The following GSK3A variants were observed in gnomAD, a reference collection of about 807,000 sequenced individuals.
GSK3A encodes the protein glycogen synthase kinase 3 alpha.
In GSK3A, 14 loss-of-function variants were observed where a neutral mutation model predicts 56.6. The ratio of observed to expected loss-of-function variants is 0.25; its 90% CI spans 0.16 to 0.39. GSK3A has a LOEUF of 0.39. Among genes scored for constraint, GSK3A ranks in the 10% least tolerant of loss-of-function variants. GSK3A has a pLI of 1.00. For synonymous variants in GSK3A, 301 were observed against 285.0 expected, an observed-to-expected ratio of 1.06 and a Z score of -0.56; for missense variants, 450 against 656.0, an observed-to-expected ratio of 0.69 and a Z score of 3.43.
chr19:42,242,120 TG>T, intron 1 of GSK3A, 62 bp downstream of exon 1: 3 of 1,258,352 alleles, frequency 2.4e-6, no homozygotes, highest in Non-Finnish European at 3.0e-6. Context: ...AAGAATCTGA[TG>T]GATGTCTGAG....
At chr19:42,242,098 C>G in intron 1 of GSK3A, 85 bp downstream of exon 1, 3 of 1,194,970 alleles carry the variant, frequency 2.5e-6, no homozygotes, top group Non-Finnish European at 3.2e-6. Context: ...GAGCTCCTAT[C>G]TAAGCACATG....
At chr19:42,240,165 G>A (rs1335682229) in intron 1 of GSK3A, 23 bp from the exon 2 acceptor site, 7 of 1,608,004 alleles carry the variant, frequency 4.4e-6, no homozygotes, top group East Asian at 2.2e-5. Context: ...GGGGATACAC[G>A]ATCCACTGAC....
At chr19:42,240,202 C>G in intron 1 of GSK3A, 60 bp from the exon 2 acceptor site, 4 of 1,476,914 alleles carry the variant, frequency 2.7e-6, no homozygotes, top group African/African-American at 1.4e-5. Flanking sequence ...TCACCCTATC[C>G]TGGGGCTGTG....
chr19:42,236,295 C>A (rs1366626641), intron 4 of GSK3A, among the ~76,000 whole-genome samples: 1 of 152,218 alleles, frequency 6.6e-6, no homozygotes, highest in Non-Finnish European at 1.5e-5. Flanking sequence ...CCCCACCACC[C>A]CCTTATCCTG....
In GSK3A at chr19:42,240,127, A is replaced by G; in HGVS notation, c.299T>C (p.Val100Ala). 6.2e-7 allele frequency: 1 copy of G among 1,614,066 alleles called. No homozygotes were observed. Among genetic ancestry groups the G allele is most frequent in the Non-Finnish European group, 8.5e-7 (1 of 1,179,968 alleles). ...GVKLGRDSGK[V>A]TTVVATLGQG... is the part of the protein sequence containing the mutation. Reference sequence around the variant, plus strand: ...GCCTAGAGTGGCTACGACTGTGGTCACCTTCCCGCTGTCACCTGGGGAACA... The same window carrying G: ...GCCTAGAGTGGCTACGACTGTGGTCGCCTTCCCGCTGTCACCTGGGGAACA... The change falls in exon 2 of 11, where the codon GTG becomes GCG. Residue 100 changes from valine to alanine, a missense_variant. By Grantham distance (64) the Val-to-Ala change is moderately conservative (BLOSUM62 0). This residue lies in a region of GSK3A where 193 missense variants were observed against 200.5 expected (regional missense o/e 0.96). Coordinates refer to ENST00000222330, the MANE Select transcript of GSK3A (RefSeq NM_019884.3).
chr19:42,237,921 T>C (rs143736201), intron 2 of GSK3A, among the ~76,000 whole-genome samples: 1 of 151,380 alleles, frequency 6.6e-6, no homozygotes, highest in Admixed American at 6.6e-5. Context: ...TTATTATTAT[T>C]ATTATTTTTA....
chr19:42,232,905 A>G, intron 8 of GSK3A: 1 of 572,804 alleles, frequency 1.7e-6, no homozygotes, highest in Non-Finnish European at 3.0e-6. Flanking sequence ...CTGACCCTCC[A>G]TAAAAATTGG....
Position 42,242,572 on chromosome 19 carries a change from G to A in GSK3A, c.-107C>T. ...GCCCTGGCCTCTTCCAGGCCGCGCC[G>A]CTCTGGCTTGGGCTCCGGCTCCGGC... On this transcript the variant is annotated 5_prime_UTR_variant, in exon 1 of 11. Coordinates refer to ENST00000222330, the MANE Select transcript of GSK3A (RefSeq NM_019884.3). 2.2e-6 allele frequency: 2 copies of A among 916,674 alleles called. No individual in the cohort carries two copies. The highest frequency in any genetic ancestry group is 2.7e-6 in the Non-Finnish European group (2 of 729,032). 56.8% of individuals were successfully genotyped at this position (916,674 alleles called of 1,614,324 possible).
chr19:42,233,230 G>A, intron 7 of GSK3A, 25 bp from the exon 8 acceptor site: 1 of 1,594,678 alleles, frequency 6.3e-7, no homozygotes, highest in Non-Finnish European at 8.6e-7. Context: ...AGGGGTCTGA[G>A]ACAAGGGCCC....
chr19:42,237,721 C>CA (rs2036266286), intron 2 of GSK3A, among the ~76,000 whole-genome samples: 1 of 149,558 alleles, frequency 6.7e-6, no homozygotes. Flanking sequence ...ACTAAAAATA[C>CA]AAAAAAAATT....
chr19:42,231,016 A>G lies in GSK3A; in HGVS notation c.1379-149T>C, dbSNP rs571119533. On this transcript the variant is annotated intron_variant, in intron 10 of 10. Transcript: ENST00000222330. ...GTGAAGGGTTGCAAACTCAAGTGCT[A>G]AAGGGCCACGATAGTAACTGAGTGA... 7.4e-6 allele frequency: 5 copies of G among 674,650 alleles called. No individual in the cohort carries two copies. The Admixed American group carries it at 1.0e-4, about 14-fold the overall frequency. The allele number at this position is 674,650 out of a possible 1,614,324, so 41.8% of individuals were successfully genotyped here.
At chr19:42,233,565 T>C (rs2036238540) in intron 6 of GSK3A, among the ~76,000 whole-genome samples, 182 bp from the exon 7 acceptor site, 1 of 152,192 alleles carries the variant, frequency 6.6e-6, no homozygotes, top group African/African-American at 2.4e-5. Context: ...GCCTTTGCTG[T>C]ACTCTCTAGT....
chr19:42,242,320 C>A lies in GSK3A; in HGVS notation c.146G>T (p.Gly49Val). 2 of 1,435,684 alleles carry A rather than the reference C, an allele frequency of 1.4e-6. No individual in the cohort carries two copies. The highest frequency in any genetic ancestry group is 1.4e-5 in the South Asian group (1 of 71,948). 88.9% of individuals were successfully genotyped at this position (1,435,684 alleles called of 1,614,324 possible). Residue 49 changes from glycine to valine, a missense_variant, in exon 1 of 11, where the codon GGA (glycine) becomes GTA (valine). Transcript: ENST00000222330. ...ACCCATGGCCCCGACAGATGCCTTT[C>A]CGCCGCCGGTGCCGCCTGGGCCGGA... ...SASGPGGTGG[G>V]KASVGAMGGG...
rs1245324815 is a variant in GSK3A at position 42,230,538 on chromosome 19, AG to A, written c.*255del. Reference sequence around the variant, plus strand: ...AGGTCTGGGGGAGGGGAGGGGGCCAAGGGGGTAGGAGGTCCTCATCCCCCCA... The same window carrying A: ...AGGTCTGGGGGAGGGGAGGGGGCCAAGGGGTAGGAGGTCCTCATCCCCCCA... On this transcript the variant is annotated 3_prime_UTR_variant, in exon 11 of 11. Coordinates refer to ENST00000222330, the MANE Select transcript of GSK3A (RefSeq NM_019884.3). The A allele has an allele frequency of 4.2e-5, 21 of 499,316 alleles. No homozygotes were observed. The highest frequency in any genetic ancestry group is 5.1e-4 in the Middle Eastern group (1 of 1,972). 30.9% of individuals were successfully genotyped at this position (499,316 alleles called of 1,614,324 possible). A position where few individuals can be genotyped will look rare whatever the true frequency, so the allele number is the denominator to read the frequency against.
intron 4 of GSK3A, among the ~76,000 whole-genome samples, chr19:42,235,798 G>A (rs888567539): frequency 2.6e-5 from 4 of 152,176 alleles, no homozygotes; most frequent in African/African-American, 9.7e-5. Context: ...CGCAGTCAGT[G>A]GTGCCTCTGG....
intron 1 of GSK3A, chr19:42,240,711 C>A (rs1468859709): frequency 3.2e-5 from 5 of 157,346 alleles, no homozygotes; most frequent in African/African-American, 9.6e-5. Context: ...AGTGCCCTGA[C>A]CCTCACTTTT....
intron 8 of GSK3A, 49 bp downstream of exon 8, chr19:42,233,061 G>A (rs767006233): frequency 1.6e-6 from 2 of 1,237,950 alleles, no homozygotes; most frequent in Admixed American, 4.5e-5. Context: ...GACCTCCAAG[G>A]GGGACCAGCT....
chr19:42,241,495 A>AT (rs376434637), intron 1 of GSK3A: 2 of 152,308 alleles, frequency 1.3e-5, no homozygotes, highest in African/African-American at 4.8e-5. Flanking sequence ...CAAGCCATGT[A>AT]TTTTAAAACA....
intron 2 of GSK3A, among the ~76,000 whole-genome samples, chr19:42,238,902 G>A (rs559189812): frequency 2.0e-5 from 3 of 152,138 alleles, no homozygotes; most frequent in East Asian, 1.9e-4. Context: ...CTGGGAGGCA[G>A]AGGTTGTAGC....
Sources: gnomAD v4.1 joint callset for allele counts (sites outside exome capture counted in the v4.1 genomes callset) on GRCh38, gnomAD v4.1.1 for gene constraint, gnomAD v4.1.1 regional missense constraint, MANE v1.5 for transcripts, NCBI Gene and HGNC (gene_info 2026-07-23, HGNC 2026-07-21) for gene names.